ZCCHC14: variants seen among roughly 807,000 people sequenced by gnomAD.
ZCCHC14 encodes zinc finger CCHC domain-containing protein 14.
A neutral mutation model predicts 85.0 loss-of-function variants in ZCCHC14; 16 were observed. The observed-to-expected ratio is 0.19, with a 90% CI of 0.13 to 0.29. The LOEUF (loss-of-function observed/expected upper bound fraction) is 0.29. Ranked by LOEUF, ZCCHC14 falls within the 10% of genes least tolerant of loss-of-function variation. The pLI is 1.00. For missense variants in ZCCHC14, 1,303 were observed against 1,443.5 expected, an observed-to-expected ratio of 0.90 and a Z score of 1.58; for synonymous variants, 775 against 630.7, an observed-to-expected ratio of 1.23 and a Z score of -3.43.
At chr16:87,465,049 T>A (rs1369209272) in intron 1 of ZCCHC14, among the ~76,000 whole-genome samples, 1 of 152,158 alleles carries the variant, frequency 6.6e-6, no homozygotes, top group East Asian at 1.9e-4. Flanking sequence ...TGGCATCCAG[T>A]CCTCCCCCAG....
At chr16:87,423,327 G>C (rs1236802168) in intron 4 of ZCCHC14, among the ~76,000 whole-genome samples, 2 of 152,172 alleles carry the variant, frequency 1.3e-5, no homozygotes, top group African/African-American at 2.4e-5. Flanking sequence ...GCTGCAGTGA[G>C]CTGTGATGAT....
intron 1 of ZCCHC14, among the ~76,000 whole-genome samples, chr16:87,480,045 G>C (rs912794696): frequency 1.3e-5 from 2 of 151,834 alleles, no homozygotes; most frequent in Non-Finnish European, 2.9e-5. Context: ...AAAGTGCTGG[G>C]GTTACAGGTG....
At chr16:87,450,947 G>A (rs1910669977) in intron 2 of ZCCHC14, among the ~76,000 whole-genome samples, 1 of 152,132 alleles carries the variant, frequency 6.6e-6, no homozygotes, top group Admixed American at 6.6e-5. Context: ...TGCCCAAGCT[G>A]GAGCGTAATG....
chr16:87,438,054 A>G (rs1910014074), intron 2 of ZCCHC14, among the ~76,000 whole-genome samples: 1 of 152,286 alleles, frequency 6.6e-6, no homozygotes. Context: ...TGGTTGTGAC[A>G]GCCTGCCACC....
At chr16:87,432,145 C>T (rs184362029) in intron 3 of ZCCHC14, among the ~76,000 whole-genome samples, 1 of 152,302 alleles carries the variant, frequency 6.6e-6, no homozygotes, top group East Asian at 1.9e-4. Context: ...CACAGGAGTT[C>T]TGTCTGGAGA....
At position 87,491,999 on chromosome 16, in the gene ZCCHC14, G is replaced by A. The variant is rs1483520560; in HGVS notation, c.240C>T (p.Asp80=). 4 of 1,393,796 alleles carry A rather than the reference G, an allele frequency of 2.9e-6. No individual in the cohort carries two copies. Among genetic ancestry groups the A allele is most frequent in the South Asian group, 1.6e-5 (1 of 62,202 alleles). The allele number at this position is 1,393,796 out of a possible 1,614,324, so 86.3% of individuals were successfully genotyped here. A position where few individuals can be genotyped will look rare whatever the true frequency, so the allele number is the denominator to read the frequency against. The change falls in exon 1 of 13, where the codon GAC becomes GAT. Residue 80 remains aspartate, a synonymous_variant. Transcript: ENST00000671377. The surrounding 1 kb of genome is among the most constrained non-coding windows in gnomAD (Gnocchi z 5.9). ...CCAGCAGCTTGCTGCGCACCACCTC[G>A]TCCGTCAGGTTGGTGAGGCTGCCCA... ...ADLGSLTNLT[D]EVVRSKLLVS...
At position 87,448,485 on chromosome 16, in the gene ZCCHC14, C is replaced by T. The variant is rs554604715; in HGVS notation, c.694+11523G>A. Among the ~76,000 whole-genome samples the T allele has an allele frequency of 9.2e-5, 14 of 152,302 alleles. 1 individual carries two copies. In the South Asian group the frequency reaches 2.1e-3, roughly 23 times the overall value. ...CTCACGAGGCCGTTTTCTTCCCGTG[C>T]GTACTGAACATGCTCCTTCCTTTCA... On this transcript the variant is annotated intron_variant, in intron 2 of 12. Transcript: ENST00000671377.
At chr16:87,468,173 G>A (rs1264562857) in intron 1 of ZCCHC14, among the ~76,000 whole-genome samples, 3 of 152,144 alleles carry the variant, frequency 2.0e-5, no homozygotes, top group Non-Finnish European at 4.4e-5. Context: ...TTTATATGAA[G>A]AAGTTTAAGT....
At chr16:87,417,411 G>A in intron 8 of ZCCHC14, 49 bp downstream of exon 8, 2 of 1,592,790 alleles carry the variant, frequency 1.3e-6, no homozygotes, top group Non-Finnish European at 8.6e-7. Context: ...GGGAGGTCTT[G>A]AGTAAACAAT....
At chr16:87,478,393 G>A (rs904858339) in intron 1 of ZCCHC14, among the ~76,000 whole-genome samples, 12 of 152,312 alleles carry the variant, frequency 7.9e-5, no homozygotes, top group African/African-American at 1.9e-4. Flanking sequence ...AGGCCTGGGA[G>A]TCGGGGTGCA....
intron 1 of ZCCHC14, among the ~76,000 whole-genome samples, chr16:87,482,370 C>T (rs1912320078): frequency 6.6e-6 from 1 of 152,208 alleles, no homozygotes; most frequent in South Asian, 2.1e-4. Context: ...TGCAGGAAAG[C>T]AGAGGAAAAA....
intron 2 of ZCCHC14, among the ~76,000 whole-genome samples, chr16:87,449,403 T>C (rs942167728): frequency 2.0e-5 from 3 of 152,152 alleles, no homozygotes; most frequent in African/African-American, 7.2e-5. Context: ...AAGGGCACCA[T>C]GGTTCCTGGG....
chr16:87,491,726 G>A lies in ZCCHC14; in HGVS notation c.513C>T (p.Gly171=). 7 of 1,561,110 alleles carry A rather than the reference G, an allele frequency of 4.5e-6. No individual in the cohort carries two copies. The highest frequency in any genetic ancestry group is 6.0e-6 in the Non-Finnish European group (7 of 1,159,474). The part of the protein sequence containing the change: ...QSSLNGGGGH[G]GKGAPGPGGA... ...CGCCCGGCCCGGGCGCGCCCTTGCCGCCGTGGCCCCCGCCGCCGTTCAGGC... is the reference window on the plus strand; with the variant it reads ...CGCCCGGCCCGGGCGCGCCCTTGCCACCGTGGCCCCCGCCGCCGTTCAGGC... The change falls in exon 1 of 13, where the codon GGC becomes GGT. Residue 171 remains glycine (G), a synonymous_variant. Coordinates refer to ENST00000671377, the MANE Select transcript of ZCCHC14 (RefSeq NM_015144.3). This position sits in a 1 kb window ranked among gnomAD's most constrained non-coding sequence, Gnocchi z 5.9.
Position 87,411,887 on chromosome 16 carries a change from T to G in ZCCHC14, c.2834A>C (p.Asn945Thr). ...ACCGGAGAACGGGTGCTGGAAGTAG[T>G]TGGCGTAGCTGACAGTCAGGCCACT... ...GSSGLTVSYA[N>T]YFQHPFSGPS... Residue 945 changes from asparagine to threonine, a missense_variant, in exon 12 of 13, where the codon AAC becomes ACC. This residue lies in a region of ZCCHC14 where 797 missense variants were observed against 730.8 expected (regional missense o/e 1.09). Transcript: ENST00000671377. 1 of 1,598,416 alleles carries G rather than the reference T, an allele frequency of 6.3e-7. No individual in the cohort carries two copies. The highest frequency in any genetic ancestry group is 8.5e-7 in the Non-Finnish European group (1 of 1,173,662).
intron 1 of ZCCHC14, among the ~76,000 whole-genome samples, chr16:87,487,369 C>G (rs144536043): frequency 6.6e-6 from 1 of 152,228 alleles, no homozygotes. Context: ...GAAACACAAA[C>G]GGCAGGGCCC....
intron 9 of ZCCHC14, among the ~76,000 whole-genome samples, chr16:87,415,044 T>C (rs1908711767): frequency 6.6e-6 from 1 of 152,038 alleles, no homozygotes; most frequent in Non-Finnish European, 1.5e-5. Flanking sequence ...ATTGCACCAC[T>C]GCACTCCAGC....
chr16:87,482,981 C>T (rs1463125132), intron 1 of ZCCHC14, among the ~76,000 whole-genome samples: 3 of 151,428 alleles, frequency 2.0e-5, no homozygotes, highest in Admixed American at 1.3e-4. Flanking sequence ...ACGCATTATA[C>T]ATTATGCATT....
intron 2 of ZCCHC14, among the ~76,000 whole-genome samples, chr16:87,434,191 T>C (rs190576709): frequency 2.0e-4 from 30 of 152,332 alleles, no homozygotes; most frequent in Admixed American, 1.6e-3. Flanking sequence ...AAAAATAAGA[T>C]GATACAATTA....
At chr16:87,470,787 C>T (rs940323020) in intron 1 of ZCCHC14, 5 of 152,182 alleles carry the variant, frequency 3.3e-5, no homozygotes, top group African/African-American at 1.2e-4. Context: ...ATGGGCAGAA[C>T]GTACATCAGT....
Sources: gnomAD v4.1 joint callset for allele counts (sites outside exome capture counted in the v4.1 genomes callset) on GRCh38, gnomAD v4.1.1 for gene constraint, gnomAD v4.1.1 regional missense constraint, Gnocchi (gnomAD v3.1) non-coding constraint, MANE v1.5 for transcripts, NCBI Gene and HGNC (gene_info 2026-07-23, HGNC 2026-07-21) for gene names.